ATP7B: variants seen among roughly 807,000 people sequenced by gnomAD.
ATP7B encodes the protein copper-transporting ATPase 2.
A neutral mutation model predicts 118.9 loss-of-function variants in ATP7B; 113 were observed. The ratio of observed to expected loss-of-function variants is 0.95; its 90% CI spans 0.82 to 1.11. The LOEUF is 1.11. Ranked by LOEUF, ATP7B falls within the 50% of genes most tolerant of loss-of-function variation. The pLI, the probability that ATP7B is intolerant of heterozygous loss-of-function variation, is 0.00. For synonymous variants in ATP7B, 777 were observed against 727.4 expected (o/e 1.07, Z -1.10); for missense variants, 1,867 against 1,871.4 (o/e 1.00, Z 0.04).
chr13:51,935,430 A>C (rs776936140), intron 20 of ATP7B, among the ~76,000 whole-genome samples, 163 bp downstream of exon 20: 2 of 152,230 alleles, frequency 1.3e-5, no homozygotes, highest in Non-Finnish European at 2.9e-5. Flanking sequence ...CATGGTGCTG[A>C]TAAGTTACAT....
At chr13:52,010,073 T>C (rs545114175) in intron 1 of ATP7B, among the ~76,000 whole-genome samples, 5 of 152,180 alleles carry the variant, frequency 3.3e-5, no homozygotes, top group Non-Finnish European at 7.4e-5. Context: ...TGAGCTTGAT[T>C]TGGAAGGATA....
At position 51,942,474 on chromosome 13, in the gene ATP7B, G is replaced by A. The variant is rs372456815; in HGVS notation, c.3324C>T (p.Asn1108=). The part of the protein sequence containing the change: ...PGCGIGCKVS[N]VEGILAHSER... ...CACTGTGGGCCAGGATGCCTTCCAC[G>A]TTGCTGACTTTGCACCCAATTCCAC... The change falls in exon 15 of 21, where the codon AAC becomes AAT. Residue 1108 remains asparagine, a synonymous_variant. Transcript: ENST00000242839. 3.5e-4 allele frequency: 565 copies of A among 1,614,226 alleles called. No individual in the cohort carries two copies. Among genetic ancestry groups the A allele is most frequent in the Admixed American group, 5.3e-4 (32 of 60,028 alleles).
intron 1 of ATP7B, chr13:51,978,820 A>T (rs1309825898): frequency 6.6e-6 from 1 of 152,224 alleles, no homozygotes; most frequent in Non-Finnish European, 1.5e-5. Context: ...AACAGCTCAC[A>T]ATTTTTCAAT....
intron 2 of ATP7B, among the ~76,000 whole-genome samples, chr13:51,973,299 C>T (rs1951931752): frequency 6.6e-6 from 1 of 152,156 alleles, no homozygotes; most frequent in African/African-American, 2.4e-5. Context: ...AAAAGAAGCC[C>T]AAATCCAAGG....
At position 51,958,334 on chromosome 13, in the gene ATP7B, G is replaced by C. The variant is rs137853284; in HGVS notation, c.2332C>G (p.Arg778Gly). 1.2e-5 allele frequency: 19 copies of C among 1,614,180 alleles called. No homozygotes were observed. Among genetic ancestry groups the C allele is most frequent in the Non-Finnish European group, 1.6e-5 (19 of 1,180,042 alleles). ...ACCTTTGCCAAGTGTTCCAGCCACCGGCCCAGGGCAATGAACACAAAGAGC... is the reference window on the plus strand; with the variant it reads ...ACCTTTGCCAAGTGTTCCAGCCACCCGCCCAGGGCAATGAACACAAAGAGC... The part of the protein sequence containing the change: ...PMLFVFIALG[R>G]WLEHLAKSKT... Residue 778 changes from arginine (R) to glycine (G), a missense_variant, in exon 8 of 21, where the codon CGG becomes GGG. By Grantham distance (125) the Arg-to-Gly change is moderately radical (BLOSUM62 -2). Coordinates refer to ENST00000242839, the MANE Select transcript of ATP7B (RefSeq NM_000053.4).
intron 12 of ATP7B, among the ~76,000 whole-genome samples, chr13:51,948,532 T>C (rs1325743524): frequency 1.3e-5 from 2 of 152,232 alleles, no homozygotes; most frequent in Admixed American, 1.3e-4. Flanking sequence ...AAGTGTGCCA[T>C]TAGCTTTTTA....
At chr13:51,979,469 A>G (rs1400148722) in intron 1 of ATP7B, among the ~76,000 whole-genome samples, 1 of 152,234 alleles carries the variant, frequency 6.6e-6, no homozygotes, top group Non-Finnish European at 1.5e-5. Context: ...ACACATTACC[A>G]AAATCTAAAA....
At chr13:52,008,125 AGATCAAGAGATAGAGATGACCCT>A (rs1424485530) in intron 1 of ATP7B, among the ~76,000 whole-genome samples, 1 of 152,020 alleles carries the variant, frequency 6.6e-6, no homozygotes, top group Admixed American at 6.6e-5. Context: ...GCGGATCACG[AGATCAAGAGATAGAGATGACCCT>A]GACCAACATG....
At chr13:51,957,448 G>C (rs539486379) in intron 9 of ATP7B, 68 bp downstream of exon 9, 2 of 1,457,872 alleles carry the variant, frequency 1.4e-6, no homozygotes, top group Admixed American at 3.4e-5. Context: ...ATACAACATG[G>C]GCATCTGATG....
chr13:51,985,764 C>G (rs1203213989), intron 1 of ATP7B, among the ~76,000 whole-genome samples: 1 of 152,184 alleles, frequency 6.6e-6, no homozygotes, highest in East Asian at 1.9e-4. Context: ...TTAAGAAACT[C>G]ACTCAAAACT....
chr13:51,988,622 C>T (rs1004048496), intron 1 of ATP7B, among the ~76,000 whole-genome samples: 1 of 152,078 alleles, frequency 6.6e-6, no homozygotes, highest in Non-Finnish European at 1.5e-5. Flanking sequence ...TTTATTGTGG[C>T]ACTACTCACA....
intron 9 of ATP7B, among the ~76,000 whole-genome samples, chr13:51,952,048 G>A (rs1958041560): frequency 6.6e-6 from 1 of 152,216 alleles, no homozygotes; most frequent in Non-Finnish European, 1.5e-5. Flanking sequence ...CGAAAGTCAC[G>A]TTTTTAAAGA....
Position 51,996,529 on chromosome 13 carries a change from G to T in ATP7B, c.51+14758C>A, listed in dbSNP as rs532596751. Among the ~76,000 whole-genome samples the T allele has an allele frequency of 2.7e-3, 404 of 152,306 alleles. 1 individual carries two copies. The highest frequency in any genetic ancestry group is 4.8e-3 in the Non-Finnish European group (326 of 68,036). On this transcript the variant is annotated intron_variant, in intron 1 of 20. Transcript: ENST00000242839. ...GAATTCAGGGTAAAATGATCACTCT[G>T]TCTCTCCGTGTTATTCTTCACAGCA...
At chr13:51,960,444 C>T (rs1054928817) in intron 6 of ATP7B, 122 bp from the exon 7 acceptor site, 3 of 1,228,722 alleles carry the variant, frequency 2.4e-6, no homozygotes, top group African/African-American at 3.0e-5. Context: ...GGACAGACCA[C>T]CAGGGGTTAA....
chr13:51,958,190 C>T (rs982887306), intron 8 of ATP7B, 121 bp downstream of exon 8: 11 of 1,193,614 alleles, frequency 9.2e-6, no homozygotes, highest in Non-Finnish European at 1.3e-5. Context: ...TGGAGGTTTC[C>T]TATTTCTTTA....
chr13:51,985,868 G>C (rs1490765914), intron 1 of ATP7B, among the ~76,000 whole-genome samples: 1 of 152,182 alleles, frequency 6.6e-6, no homozygotes, highest in Non-Finnish European at 1.5e-5. Flanking sequence ...AAGCCAATGA[G>C]AACAAAGACA....
At chr13:51,994,522 T>C (rs1429667668) in intron 1 of ATP7B, among the ~76,000 whole-genome samples, 2 of 152,232 alleles carry the variant, frequency 1.3e-5, no homozygotes, top group East Asian at 3.8e-4. Flanking sequence ...AGCATAGTTA[T>C]ATCCTTGGTT....
intron 19 of ATP7B, among the ~76,000 whole-genome samples, chr13:51,936,000 T>C (rs1317997543): frequency 6.6e-6 from 1 of 151,142 alleles, no homozygotes; most frequent in Non-Finnish European, 1.5e-5. Context: ...CCACAAGGAG[T>C]GGGAGGAGCG....
At chr13:51,946,248 T>A (rs1359766652) in intron 13 of ATP7B, 36 bp downstream of exon 13, 3 of 1,550,222 alleles carry the variant, frequency 1.9e-6, no homozygotes, top group Non-Finnish European at 2.6e-6. Context: ...ACTACTTTCA[T>A]CTCTCAGGAT....
Sources: allele counts gnomAD v4.1 joint callset (sites outside exome capture counted in the v4.1 genomes callset), GRCh38; gene constraint gnomAD v4.1.1; transcripts MANE v1.5; gene names NCBI Gene and HGNC (gene_info 2026-07-23, HGNC 2026-07-21).